The following ASTN2 variants were observed in gnomAD, a reference collection of about 807,000 sequenced individuals.
The protein encoded by ASTN2 is astrotactin-2.
A neutral mutation model predicts 139.8 loss-of-function variants in ASTN2; 54 were observed. The ratio of observed to expected loss-of-function variants is 0.39; its 90% CI spans 0.31 to 0.48. The LOEUF is 0.48. Ranked by LOEUF, ASTN2 falls within the 20% of genes least tolerant of loss-of-function variation. The pLI, the probability that ASTN2 is intolerant of heterozygous loss-of-function variation, is 0.95. For synonymous variants in ASTN2, 756 were observed against 719.5 expected (o/e 1.05, Z -0.81); for missense variants, 1,565 against 1,725.1 (o/e 0.91, Z 1.64).
chr9:116,641,634 T>A (rs1358970527), intron 17 of ASTN2, among the ~76,000 whole-genome samples: 2 of 152,166 alleles, frequency 1.3e-5, no homozygotes, highest in South Asian at 4.1e-4. Flanking sequence ...ACTAATTCAA[T>A]GTCCCATGGA....
intron 20 of ASTN2, among the ~76,000 whole-genome samples, chr9:116,481,759 A>G (rs1849175948): frequency 6.6e-6 from 1 of 152,162 alleles, no homozygotes; most frequent in African/African-American, 2.4e-5. Context: ...CCCACCTCCC[A>G]TCTATAGGCT....
At chr9:116,687,708 G>A (rs2132040936) in intron 16 of ASTN2, among the ~76,000 whole-genome samples, 1 of 152,134 alleles carries the variant, frequency 6.6e-6, no homozygotes, top group South Asian at 2.1e-4. Context: ...TAGCATGTGG[G>A]AGATGGGAGG....
intron 15 of ASTN2, among the ~76,000 whole-genome samples, chr9:116,726,821 G>A (rs1190512829): frequency 6.6e-6 from 1 of 152,030 alleles, no homozygotes; most frequent in Admixed American, 6.6e-5. Flanking sequence ...ATTCTTCCAG[G>A]GACATTCCTG....
chr9:117,023,866 G>T (rs1417415739), intron 6 of ASTN2, among the ~76,000 whole-genome samples: 4 of 152,124 alleles, frequency 2.6e-5, no homozygotes, highest in African/African-American at 9.7e-5. Flanking sequence ...GACTGAAATA[G>T]GACTGGAGGC....
At chr9:117,153,540 A>C (rs191923099) in intron 3 of ASTN2, among the ~76,000 whole-genome samples, 2 of 152,290 alleles carry the variant, frequency 1.3e-5, no homozygotes, top group East Asian at 1.9e-4. Context: ...TGAGTGAGGC[A>C]AACAGAGCTT....
chr9:116,487,318 C>T (rs1487103900), intron 20 of ASTN2, 41 bp downstream of exon 20: 1 of 1,605,888 alleles, frequency 6.2e-7, no homozygotes, highest in African/African-American at 1.3e-5. Flanking sequence ...TTAAAATCAT[C>T]CTGTCTGCCT....
chr9:116,933,813 A>C (rs1374023908), intron 10 of ASTN2, among the ~76,000 whole-genome samples: 1 of 151,942 alleles, frequency 6.6e-6, no homozygotes, highest in Non-Finnish European at 1.5e-5. Context: ...GATGATGTGG[A>C]TGGCCTGTCT....
intron 16 of ASTN2, among the ~76,000 whole-genome samples, chr9:116,721,403 G>A (rs1428230243): frequency 6.6e-6 from 1 of 152,188 alleles, no homozygotes; most frequent in East Asian, 1.9e-4. Flanking sequence ...CACAGCTAGG[G>A]AGAATGCGTG....
intron 1 of ASTN2, among the ~76,000 whole-genome samples, chr9:117,376,748 C>CTT: frequency 6.6e-6 from 1 of 152,178 alleles, no homozygotes; most frequent in South Asian, 2.1e-4. Flanking sequence ...ATGATGTTTT[C>CTT]TTGGGAAGAA....
intron 10 of ASTN2, among the ~76,000 whole-genome samples, chr9:116,879,027 G>A (rs148602989): frequency 1.3e-5 from 2 of 152,098 alleles, no homozygotes; most frequent in Non-Finnish European, 2.9e-5. Context: ...GGCAGAGGGG[G>A]TTGCCGTGAG....
chr9:116,493,340 T>A (rs933650429), intron 19 of ASTN2, among the ~76,000 whole-genome samples: 2 of 152,196 alleles, frequency 1.3e-5, no homozygotes, highest in Non-Finnish European at 2.9e-5. Flanking sequence ...TAACATTCTT[T>A]TCCTGTTTTT....
At chr9:117,355,739 T>C (rs1564162831) in intron 1 of ASTN2, among the ~76,000 whole-genome samples, 1 of 152,096 alleles carries the variant, frequency 6.6e-6, no homozygotes, top group African/African-American at 2.4e-5. Context: ...CCAGAGTCTG[T>C]CGGCAATCAA....
chr9:117,180,210 A>G (rs1468197391), intron 3 of ASTN2, among the ~76,000 whole-genome samples: 1 of 152,202 alleles, frequency 6.6e-6, no homozygotes, highest in Non-Finnish European at 1.5e-5. Context: ...TCTGGGCATG[A>G]CACTTCTCAG....
chr9:117,329,943 A>G (rs1807272651), intron 1 of ASTN2, among the ~76,000 whole-genome samples: 1 of 152,146 alleles, frequency 6.6e-6, no homozygotes, highest in African/African-American at 2.4e-5. Context: ...ATGAAATGGG[A>G]ACTGTTATCG....
chr9:116,730,966 C>T (rs1588246380), intron 14 of ASTN2, among the ~76,000 whole-genome samples: 1 of 152,022 alleles, frequency 6.6e-6, no homozygotes. Context: ...ATATTCCTCC[C>T]CTTCTACAGA....
intron 1 of ASTN2, among the ~76,000 whole-genome samples, chr9:117,397,331 G>A (rs1304978275): frequency 6.6e-6 from 1 of 152,004 alleles, no homozygotes; most frequent in Admixed American, 6.6e-5. Context: ...CAAGAAAGTG[G>A]TTTCTAGGAG....
chr9:117,398,948 AT>A (rs1170934060), intron 1 of ASTN2, among the ~76,000 whole-genome samples: 1 of 152,022 alleles, frequency 6.6e-6, no homozygotes, highest in African/African-American at 2.4e-5. Context: ...CATCCAGCTA[AT>A]TTTTTGTATT....
chr9:117,084,144 A>AT (rs1420566878), intron 5 of ASTN2, among the ~76,000 whole-genome samples: 181 of 152,228 alleles, frequency 1.2e-3, no homozygotes, highest in African/African-American at 4.1e-3. Context: ...TGAATACATA[A>AT]TTTTCTCTTC....
intron 13 of ASTN2, among the ~76,000 whole-genome samples, chr9:116,782,598 T>C (rs1435619723): frequency 1.3e-5 from 2 of 152,208 alleles, no homozygotes; most frequent in East Asian, 1.9e-4. Flanking sequence ...ACGTACTGAA[T>C]GAATGAAGGC....
Sources: allele counts gnomAD v4.1 joint callset (sites outside exome capture counted in the v4.1 genomes callset), GRCh38; gene constraint gnomAD v4.1.1; transcripts MANE v1.5; gene names NCBI Gene and HGNC (gene_info 2026-07-23, HGNC 2026-07-21).